COQ2: variants seen among roughly 807,000 people sequenced by gnomAD.
The protein encoded by COQ2 is 4-hydroxybenzoate polyprenyltransferase, mitochondrial.
Under a neutral mutation model 35.7 loss-of-function variants are expected in COQ2, and 25 were observed. The ratio of observed to expected loss-of-function variants is 0.70; its 90% confidence interval spans 0.51 to 0.98. The LOEUF (loss-of-function observed/expected upper bound fraction) is 0.98. Among genes scored for constraint, COQ2 ranks in the 50% least tolerant of loss-of-function variants. COQ2 has a pLI of 0.00. For synonymous variants in COQ2, 206 were observed against 186.2 expected (o/e 1.11, Z -0.86); for missense variants, 488 against 473.5 (o/e 1.03, Z -0.28).
intron 4 of COQ2, among the ~76,000 whole-genome samples, 181 bp from the exon 5 acceptor site, chr4:83,270,174 CA>C (rs1229010064): frequency 6.6e-6 from 1 of 151,260 alleles, no homozygotes; most frequent in Non-Finnish European, 1.5e-5. Flanking sequence ...CTCCATTTTA[CA>C]AAAAACAAAA....
intron 4 of COQ2, among the ~76,000 whole-genome samples, chr4:83,270,723 G>C (rs1735029236): frequency 6.6e-6 from 1 of 152,104 alleles, no homozygotes; most frequent in African/African-American, 2.4e-5. Context: ...ACTCCTGCCT[G>C]ACACGTTGTA....
rs550949678 is a variant in COQ2, at chr4:83,284,595, C to G, written c.170G>C (p.Ser57Thr). ...ACPEPRGRQL[S>T]LSAAAVVDSA... Reference sequence around the variant, plus strand: ...GTCCACCACCGCCGCCGCGGACAAACTGAGCTGGCGCCCGCGCGGCTCGGG... The same window carrying G: ...GTCCACCACCGCCGCCGCGGACAAAGTGAGCTGGCGCCCGCGCGGCTCGGG... The change falls in exon 1 of 7, where the codon AGT becomes ACT. Residue 57 changes from serine to threonine, a missense_variant. Ser to Thr is a moderately conservative substitution (Grantham distance 58). Coordinates refer to ENST00000647002, the MANE Select transcript of COQ2 (RefSeq NM_001358921.2). 9.9e-4 allele frequency: 1,529 copies of G among 1,542,226 alleles called. 3 individuals are homozygous for G. Among genetic ancestry groups the G allele is most frequent in the Middle Eastern group, 6.0e-3 (34 of 5,684 alleles).
Position 83,267,699 on chromosome 4 carries a change from T to C in COQ2, c.838A>G (p.Ser280Gly), listed in dbSNP as rs752135392. 1 of 1,555,190 alleles carries C rather than the reference T, an allele frequency of 6.4e-7. No individual in the cohort carries two copies. Among genetic ancestry groups the C allele is most frequent in the Non-Finnish European group, 8.7e-7 (1 of 1,149,236 alleles). ...RFGENTKPWL[S>G]GFSVAMLGAL... ...CCCAGCATTGCAACACTGAAGCCGC[T>C]GAGCCACGGCTTGGTATTTTCTCCG... Residue 280 changes from serine (S) to glycine (G), a missense_variant, in exon 6 of 7, where the codon AGC becomes GGC. By Grantham distance (56) the Ser-to-Gly change is moderately conservative. Transcript: ENST00000647002.
intron 2 of COQ2, 60 bp downstream of exon 2, chr4:83,278,888 C>A: frequency 7.0e-7 from 1 of 1,437,728 alleles, no homozygotes; most frequent in Non-Finnish European, 9.2e-7. Flanking sequence ...AAAGTGATAC[C>A]ACTATGTTAT....
intron 1 of COQ2, chr4:83,282,588 A>C: frequency 1.1e-6 from 1 of 925,440 alleles, no homozygotes; most frequent in Non-Finnish European, 1.3e-6. Flanking sequence ...ACAATCTGTA[A>C]GTACAATTTT....
In COQ2 at chr4:83,269,930, G is replaced by A; in HGVS notation, c.692C>T (p.Ser231Phe). ...AGAAAAATAAAGAGGCAGGCAAACAGATGGATCACAGGAACCCTTGATAGC... is the reference window on the plus strand; with the variant it reads ...AGAAAAATAAAGAGGCAGGCAAACAAATGGATCACAGGAACCCTTGATAGC... ...WSAIKGSCDP[S>F]VCLPLYFSGV... is the part of the protein sequence containing the mutation. The change falls in exon 5 of 7, where the codon TCT (serine) becomes TTT (phenylalanine). Residue 231 changes from serine (S) to phenylalanine (F), a missense_variant. Coordinates refer to ENST00000647002, the MANE Select transcript of COQ2 (RefSeq NM_001358921.2). The A allele has an allele frequency of 6.2e-7, 1 of 1,613,380 alleles. No homozygotes were observed.
chr4:83,279,224 A>AC (rs1735255872), intron 1 of COQ2, 110 bp from the exon 2 acceptor site: 1 of 1,286,914 alleles, frequency 7.8e-7, no homozygotes. Context: ...AGTCAAAAAA[A>AC]CAAATGACAA....
intron 6 of COQ2, among the ~76,000 whole-genome samples, chr4:83,265,370 G>A (rs1453489487): frequency 6.6e-6 from 1 of 152,100 alleles, no homozygotes; most frequent in South Asian, 2.1e-4. Flanking sequence ...AAGAGTTTGC[G>A]ATCAGTCTGG....
Position 83,284,514 on chromosome 4 carries a change from A to C in COQ2, c.251T>G (p.Ile84Ser), listed in dbSNP as rs779491618. Reference protein sequence around the residue: ...YLRLMRLDKPIGTWLLYLPCT... With the variant: ...YLRLMRLDKPSGTWLLYLPCT... ...GCTGCCCGCCCGCCCGCACTCACCA[A>C]TGGGCTTGTCCAACCGCATGAGGCG... is the stretch of plus-strand genomic sequence containing the variant. The change falls in exon 1 of 7, where the codon ATT becomes AGT. Residue 84 changes from isoleucine to serine, a missense_variant and splice_region_variant. By Grantham distance (142) the Ile-to-Ser change is moderately radical. Transcript: ENST00000647002. 2.5e-6 allele frequency: 4 copies of C among 1,571,132 alleles called. No individual in the cohort carries two copies. Among genetic ancestry groups the C allele is most frequent in the East Asian group, 4.8e-5 (2 of 41,652 alleles).
At chr4:83,276,042 A>G (rs56975305) in intron 2 of COQ2, among the ~76,000 whole-genome samples, 4 of 20,672 alleles carry the variant, frequency 1.9e-4, no homozygotes, top group South Asian at 3.3e-3. Flanking sequence ...ATAATATATA[A>G]AATATATATT....
At chr4:83,278,014 A>G (rs1006316660) in intron 2 of COQ2, among the ~76,000 whole-genome samples, 2 of 130,552 alleles carry the variant, frequency 1.5e-5, no homozygotes, top group Admixed American at 1.6e-4. Context: ...ACACACACAC[A>G]CACACACACG....
rs770728744 is a variant in COQ2 at position 83,284,543 on chromosome 4, G to A, written c.222C>T (p.Tyr74=). 22 of 1,574,960 alleles carry A rather than the reference G, an allele frequency of 1.4e-5. No individual in the cohort carries two copies. In the South Asian group the frequency reaches 1.9e-4, roughly 13 times the overall value. ...VDSAPRPLQP[Y]LRLMRLDKPI... is the part of the protein sequence containing the mutation. ...GCTTGTCCAACCGCATGAGGCGCAAGTACGGCTGCAGGGGGCGGGGCGCAG... is the reference window on the plus strand; with the variant it reads ...GCTTGTCCAACCGCATGAGGCGCAAATACGGCTGCAGGGGGCGGGGCGCAG... The change falls in exon 1 of 7, where the codon TAC becomes TAT. Residue 74 remains tyrosine (Y), a synonymous_variant. Coordinates refer to ENST00000647002, the MANE Select transcript of COQ2 (RefSeq NM_001358921.2).
intron 4 of COQ2, among the ~76,000 whole-genome samples, chr4:83,271,803 A>G (rs756373567): frequency 1.8e-4 from 28 of 152,168 alleles, no homozygotes; most frequent in Non-Finnish European, 3.4e-4. Context: ...ACAGATCAAG[A>G]CCCTGTCTCA....
At chr4:83,273,246 C>A (rs1735091494) in intron 3 of COQ2, among the ~76,000 whole-genome samples, 1 of 152,210 alleles carries the variant, frequency 6.6e-6, no homozygotes, top group Non-Finnish European at 1.5e-5. Context: ...CCTTGTGTCC[C>A]TTAGGGAATG....
intron 1 of COQ2, chr4:83,281,555 T>A (rs866829226): frequency 1.3e-4 from 20 of 152,192 alleles, no homozygotes; most frequent in African/African-American, 4.6e-4. Flanking sequence ...CAGTAAAGTA[T>A]CTTAAGGCTT....
In COQ2 at chr4:83,267,724, G is replaced by A. The variant is rs538352658; in HGVS notation, c.813C>T (p.Phe271=). ...TGAGCCACGGCTTGGTATTTTCTCC[G>A]AACCGCAGAGCCGTTGACTTAAGAC... is the stretch of plus-strand genomic sequence containing the variant. ...LIGLKSTALR[F]GENTKPWLSG... The change falls in exon 6 of 7, where the codon TTC becomes TTT. Residue 271 remains phenylalanine, a synonymous_variant. Coordinates refer to ENST00000647002, the MANE Select transcript of COQ2 (RefSeq NM_001358921.2). 57 of 1,552,426 alleles carry A rather than the reference G, an allele frequency of 3.7e-5. No individual in the cohort carries two copies. In the Admixed American group the frequency reaches 5.5e-4, roughly 15 times the overall value.
In COQ2 at chr4:83,267,633, G is replaced by A. The variant is rs1262759639; in HGVS notation, c.904C>T (p.Pro302Ser). The A allele has an allele frequency of 6.3e-7, 1 of 1,584,992 alleles. No homozygotes were observed. Among genetic ancestry groups the A allele is most frequent in the South Asian group, 1.2e-5 (1 of 86,454 alleles). ...LVGVNSGQTA[P>S]YYAALGAVGA... ...ACAGCACCCAGGGCAGCGTAGTAGG[G>A]AGCAGTCTGTCCACTGTTCACACCC... is the stretch of plus-strand genomic sequence containing the variant. Residue 302 changes from proline to serine, a missense_variant, in exon 6 of 7, where the codon CCC (proline) becomes TCC (serine). Pro to Ser is a moderately conservative substitution (Grantham distance 74, BLOSUM62 -1). Transcript: ENST00000647002.
At chr4:83,273,856 C>A (rs1735104155) in intron 2 of COQ2, among the ~76,000 whole-genome samples, 1 of 151,866 alleles carries the variant, frequency 6.6e-6, no homozygotes, top group African/African-American at 2.4e-5. Context: ...AACAAAGGAA[C>A]TTCCTGGCTG....
At chr4:83,284,127 A>AG in intron 1 of COQ2, 1 of 985,440 alleles carries the variant, frequency 1.0e-6, no homozygotes, top group Non-Finnish European at 1.2e-6. Flanking sequence ...TAAATGAAGG[A>AG]GGGCCACGAG....
Sources: gnomAD v4.1 joint callset for allele counts (sites outside exome capture counted in the v4.1 genomes callset) on GRCh38, gnomAD v4.1.1 for gene constraint, MANE v1.5 for transcripts, NCBI Gene and HGNC (gene_info 2026-07-23, HGNC 2026-07-21) for gene names.